Variants in IMPG2 observed in about 807,000 individuals in gnomAD.
The protein encoded by IMPG2 is interphotoreceptor matrix proteoglycan 2.
A neutral mutation model predicts 129.2 loss-of-function variants in IMPG2; 91 were observed. The ratio of observed to expected loss-of-function variants is 0.70; its 90% CI spans 0.59 to 0.84. IMPG2 has a LOEUF of 0.84. Among genes scored for constraint, IMPG2 ranks in the 40% least tolerant of loss-of-function variants. The pLI, the probability that IMPG2 is intolerant of heterozygous loss-of-function variation, is 0.00. For missense variants in IMPG2, 1,430 were observed against 1,461.7 expected (o/e 0.98, Z 0.35); for synonymous variants, 510 against 517.7 (o/e 0.99, Z 0.20).
chr3:101,319,749 A>G lies in IMPG2; in HGVS notation c.169T>C (p.Ser57Pro). The change falls in exon 2 of 19, where the codon TCT becomes CCT. Residue 57 changes from serine (S) to proline (P), a missense_variant. By Grantham distance (74) the Ser-to-Pro change is moderately conservative. Coordinates refer to ENST00000193391, the MANE Select transcript of IMPG2 (RefSeq NM_016247.4). ...GGCTGTTTCTTTTTGGTAGCTAGAG[A>G]AAGGTCTGTTGATTCTTCAGGCAGG... ...FLLPEESTDL[S>P]LATKKKQPLD... 1 of 1,613,578 alleles carries G rather than the reference A, an allele frequency of 6.2e-7. No individual in the cohort carries two copies. The highest frequency in any genetic ancestry group is 1.3e-5 in the African/African-American group (1 of 74,988).
intron 6 of IMPG2, among the ~76,000 whole-genome samples, chr3:101,274,574 C>G (rs1029733991): frequency 6.6e-6 from 1 of 152,168 alleles, no homozygotes; most frequent in East Asian, 1.9e-4. Context: ...ACCAGAGCTA[C>G]AGCAAACTAA....
chr3:101,256,925 CA>C (rs554725175), intron 10 of IMPG2, among the ~76,000 whole-genome samples: 329 of 152,172 alleles, frequency 2.2e-3, no homozygotes, highest in Admixed American at 3.7e-3. Context: ...TTTTAAGTCC[CA>C]GGTTGACTGG....
chr3:101,260,495 G>A (rs1409491222), intron 9 of IMPG2, among the ~76,000 whole-genome samples: 3 of 151,830 alleles, frequency 2.0e-5, no homozygotes, highest in South Asian at 2.1e-4. Context: ...ACAATAAGAG[G>A]GTCACCTACC....
At chr3:101,236,064 T>C (rs1289362070) in intron 14 of IMPG2, among the ~76,000 whole-genome samples, 1 of 152,236 alleles carries the variant, frequency 6.6e-6, no homozygotes, top group Non-Finnish European at 1.5e-5. Flanking sequence ...AGCAAATGCC[T>C]GATAGAATCA....
intron 3 of IMPG2, among the ~76,000 whole-genome samples, chr3:101,293,034 C>G (rs1307942900): frequency 1.3e-5 from 2 of 152,096 alleles, no homozygotes; most frequent in Admixed American, 6.5e-5. Flanking sequence ...AGTCTTGAAC[C>G]CCTCGAAGTC....
rs1408505254 is a variant in IMPG2 at position 101,244,773 on chromosome 3, CA to C, written c.1557del (p.Glu520LysfsTer36). 1 of 1,613,604 alleles carries C rather than the reference CA, an allele frequency of 6.2e-7. No individual in the cohort carries two copies. The highest frequency in any genetic ancestry group is 8.5e-7 in the Non-Finnish European group (1 of 1,179,722). On this transcript the variant is annotated frameshift_variant, in exon 13 of 19. Transcript: ENST00000193391. LOFTEE classifies it high-confidence loss of function. Reference sequence around the variant, plus strand: ...ATAGAAAGAAAATCTTCTGACTCTTCAACATTGGCTAATCCTAAAAATAAAG... The same window carrying C: ...ATAGAAAGAAAATCTTCTGACTCTTCACATTGGCTAATCCTAAAAATAAAG... ...SHLVEDGLAN[V>X]EESEDFLSID...
In IMPG2 at chr3:101,222,875, A is replaced by G. The variant is rs976696158; in HGVS notation, c.*4094T>C. The G allele has an allele frequency of 6.6e-6, 1 of 152,158 alleles. No homozygotes were observed. The highest frequency in any genetic ancestry group is 2.4e-5 in the African/African-American group (1 of 41,430). 9.4% of individuals were successfully genotyped at this position (152,158 alleles called of 1,614,324 possible). ...ACCTGTATTCTCTGATACCACAATT[A>G]TTTTTTCTATATATAATCTTAATCT... On this transcript the variant is annotated 3_prime_UTR_variant, in exon 19 of 19. Transcript: ENST00000193391.
intron 2 of IMPG2, among the ~76,000 whole-genome samples, chr3:101,318,178 ATAATAATAATAT>A (rs2058794843): frequency 8.0e-6 from 1 of 125,542 alleles, no homozygotes; most frequent in Non-Finnish European, 1.8e-5. Context: ...AATAATAATA[ATAATAATAATAT>A]AAAGTAAAAA....
At chr3:101,280,788 A>G (rs937402921) in intron 4 of IMPG2, among the ~76,000 whole-genome samples, 3 of 151,932 alleles carry the variant, frequency 2.0e-5, no homozygotes, top group Non-Finnish European at 2.9e-5. Flanking sequence ...TCTACTAAAA[A>G]ACATACAAAA....
At chr3:101,289,630 G>C (rs1487155369) in intron 4 of IMPG2, among the ~76,000 whole-genome samples, 1 of 152,046 alleles carries the variant, frequency 6.6e-6, no homozygotes, top group Admixed American at 6.6e-5. Flanking sequence ...CTGGGCACAG[G>C]CCTAACTGTG....
intron 4 of IMPG2, among the ~76,000 whole-genome samples, chr3:101,285,035 A>G (rs2107121028): frequency 6.6e-6 from 1 of 152,320 alleles, no homozygotes; most frequent in South Asian, 2.1e-4. Flanking sequence ...TGGAATTGTA[A>G]ACAAGTCTCA....
rs1559663145 is a variant in IMPG2, at chr3:101,320,382, A to C, written c.-10T>G. The C allele has an allele frequency of 1.9e-6, 3 of 1,562,008 alleles. No homozygotes were observed. ...GAGGAAACATAATCATTTGGGCCAAAACCAAAGGAATGAGGAGAGGACAGA... is the reference window on the plus strand; with the variant it reads ...GAGGAAACATAATCATTTGGGCCAACACCAAAGGAATGAGGAGAGGACAGA... On this transcript the variant is annotated 5_prime_UTR_variant, in exon 1 of 19. Transcript: ENST00000193391.
chr3:101,258,122 G>C (rs1013478462), intron 9 of IMPG2, among the ~76,000 whole-genome samples: 3 of 152,040 alleles, frequency 2.0e-5, no homozygotes, highest in South Asian at 2.1e-4. Flanking sequence ...TTTCCTATTA[G>C]CATTTTCCCC....
chr3:101,243,869 G>A lies in IMPG2; in HGVS notation c.2462C>T (p.Thr821Ile). The change falls in exon 13 of 19, where the codon ACC (threonine) becomes ATC (isoleucine). Residue 821 changes from threonine to isoleucine, a missense_variant. Physicochemically the swap from Thr to Ile is moderately conservative, Grantham distance 89. Coordinates refer to ENST00000193391, the MANE Select transcript of IMPG2 (RefSeq NM_016247.4). ...ATCCTCTAGCAGGGTGGAGATTGTG[G>A]TTGGAGGCAATTTGGTAGACTGTGT... ...SVTQSTKLPP[T>I]TISTLLEDEV... 6.2e-7 allele frequency: 1 copy of A among 1,614,160 alleles called. No homozygotes were observed. The highest frequency in any genetic ancestry group is 8.5e-7 in the Non-Finnish European group (1 of 1,180,004).
chr3:101,282,149 T>C (rs1483644495), intron 4 of IMPG2, among the ~76,000 whole-genome samples: 1 of 152,194 alleles, frequency 6.6e-6, no homozygotes, highest in Admixed American at 6.5e-5. Context: ...GTGACACATG[T>C]CATCCCAAAG....
At chr3:101,253,037 T>C (rs1706561207) in intron 11 of IMPG2, among the ~76,000 whole-genome samples, 1 of 152,168 alleles carries the variant, frequency 6.6e-6, no homozygotes, top group Non-Finnish European at 1.5e-5. Context: ...ATGCTGTTTC[T>C]TTTCTACTAT....
chr3:101,294,290 TTTCCATGTG>T (rs1347533742), intron 3 of IMPG2, among the ~76,000 whole-genome samples: 1 of 152,030 alleles, frequency 6.6e-6, no homozygotes, highest in Non-Finnish European at 1.5e-5. Context: ...CCCCTTCCTT[TTTCCATGTG>T]TTCTCACTGT....
At position 101,242,921 on chromosome 3, in the gene IMPG2, A is replaced by C. The variant is rs376452358; in HGVS notation, c.2803-14T>G. 2.1e-4 allele frequency: 345 copies of C among 1,604,974 alleles called. No individual in the cohort carries two copies. Among genetic ancestry groups the C allele is most frequent in the Middle Eastern group, 3.3e-4 (2 of 6,046 alleles). On this transcript the variant is annotated splice_polypyrimidine_tract_variant and intron_variant, in intron 13 of 18. Transcript: ENST00000193391. The stretch of plus-strand genomic sequence containing the variant: ...ATAGGGAACCAGCTACAATATACAA[A>C]AGTGGTAAGTTTATTGACAGCGTGT...
chr3:101,305,014 A>G (rs1427290845), intron 2 of IMPG2, among the ~76,000 whole-genome samples: 1 of 152,160 alleles, frequency 6.6e-6, no homozygotes, highest in East Asian at 1.9e-4. Flanking sequence ...TTTTATACAT[A>G]AAAATTTATG....
Sources: allele counts gnomAD v4.1 joint callset (sites outside exome capture counted in the v4.1 genomes callset), GRCh38; gene constraint gnomAD v4.1.1; transcripts MANE v1.5; gene names NCBI Gene and HGNC (gene_info 2026-07-23, HGNC 2026-07-21).